The following RYR2 variants were observed in gnomAD, a reference collection of about 807,000 sequenced individuals.
RYR2 encodes the protein cardiac muscle ryanodine receptor-calcium release channel.
In RYR2, 227 loss-of-function variants were observed where a neutral mutation model predicts 601.1. The observed-to-expected ratio is 0.38, with a 90% CI of 0.34 to 0.42. RYR2 has a LOEUF of 0.42. RYR2 is among the 10% of genes least tolerant of loss of function. RYR2 has a pLI of 1.00. For synonymous variants in RYR2, 2,223 were observed against 2,175.1 expected, an observed-to-expected ratio of 1.02 and a Z score of -0.61; for missense variants, 4,646 against 6,156.5, an observed-to-expected ratio of 0.75 and a Z score of 8.21.
chr1:237,288,013 G>A (rs944532978), intron 2 of RYR2, among the ~76,000 whole-genome samples: 10 of 152,200 alleles, frequency 6.6e-5, no homozygotes, highest in African/African-American at 1.9e-4. Context: ...TTCCCTTGAT[G>A]TAGTACTTTC....
At chr1:237,150,728 G>A (rs994065073) in intron 1 of RYR2, among the ~76,000 whole-genome samples, 5 of 152,148 alleles carry the variant, frequency 3.3e-5, no homozygotes, top group African/African-American at 4.8e-5. Flanking sequence ...TGACAATGCC[G>A]AGATGAAGCT....
intron 23 of RYR2, among the ~76,000 whole-genome samples, 178 bp downstream of exon 23, chr1:237,506,992 C>T (rs1198912567): frequency 2.6e-5 from 4 of 152,158 alleles, no homozygotes; most frequent in African/African-American, 9.7e-5. Context: ...GTTAATGGGG[C>T]TGACAGGCAT....
intron 1 of RYR2, among the ~76,000 whole-genome samples, chr1:237,232,757 A>G (rs963096219): frequency 3.3e-5 from 5 of 152,150 alleles, no homozygotes; most frequent in Non-Finnish European, 7.3e-5. Flanking sequence ...GGTAAATAGC[A>G]TTAGAATTGA....
chr1:237,696,528 C>G (rs1319527030), intron 63 of RYR2, among the ~76,000 whole-genome samples: 1 of 140,966 alleles, frequency 7.1e-6, no homozygotes, highest in Non-Finnish European at 1.5e-5. Flanking sequence ...GATCTCTTCC[C>G]TGCACTGCAG....
At chr1:237,347,682 C>A (rs1161526398) in intron 3 of RYR2, among the ~76,000 whole-genome samples, 1 of 151,934 alleles carries the variant, frequency 6.6e-6, no homozygotes, top group East Asian at 1.9e-4. Context: ...TTTAATAGTT[C>A]CATTTCTACC....
In RYR2 at chr1:237,437,161, C is replaced by T. The variant is rs532346785; in HGVS notation, c.1006-4158C>T. The stretch of plus-strand genomic sequence containing the variant: ...CTGGGTTCACGCCATTCTCCTGCCT[C>T]AGCCTCCCAAGTAGCTGGGACTACA... On this transcript the variant is annotated intron_variant, in intron 12 of 104. Coordinates refer to ENST00000366574, the MANE Select transcript of RYR2 (RefSeq NM_001035.3). 3.5e-3 allele frequency among the ~76,000 whole-genome samples: 525 copies of T among 152,068 alleles called. 5 individuals are homozygous for T. The highest frequency in any genetic ancestry group is 0.012 in the African/African-American group (503 of 41,460).
chr1:237,665,941 C>T (rs183672493), intron 56 of RYR2, among the ~76,000 whole-genome samples: 7 of 152,208 alleles, frequency 4.6e-5, no homozygotes, highest in Non-Finnish European at 7.4e-5. Flanking sequence ...GGTAAGTGCC[C>T]AGGATGGTTA....
At chr1:237,652,548 G>A (rs1682868108) in intron 51 of RYR2, among the ~76,000 whole-genome samples, 1 of 152,130 alleles carries the variant, frequency 6.6e-6, no homozygotes, top group African/African-American at 2.4e-5. Flanking sequence ...GTTACAGTAA[G>A]CATCCCTGGA....
At chr1:237,416,929 C>T (rs1030778715) in intron 10 of RYR2, 120 bp from the exon 11 acceptor site, 62 of 795,888 alleles carry the variant, frequency 7.8e-5, no homozygotes, top group South Asian at 7.3e-4. Flanking sequence ...AAAAGTATAA[C>T]TTTAACTGTT....
intron 5 of RYR2, among the ~76,000 whole-genome samples, chr1:237,365,913 T>C (rs1030128916): frequency 6.6e-6 from 1 of 152,246 alleles, no homozygotes; most frequent in Non-Finnish European, 1.5e-5. Context: ...AATAATTTAA[T>C]TAGGCCCCCA....
At chr1:237,157,105 G>A (rs1312901374) in intron 1 of RYR2, among the ~76,000 whole-genome samples, 1 of 151,952 alleles carries the variant, frequency 6.6e-6, no homozygotes, top group Non-Finnish European at 1.5e-5. Flanking sequence ...AGACCAGCCT[G>A]GCCAGCATGG....
intron 1 of RYR2, among the ~76,000 whole-genome samples, chr1:237,208,962 A>ATATATATATATATGTG (rs1558427940): frequency 3.8e-5 from 4 of 103,924 alleles, no homozygotes; most frequent in African/African-American, 9.7e-5. Flanking sequence ...ATATATATAT[A>ATATATATATATATGTG]TATATATATA....
At chr1:237,217,625 A>T (rs1009709300) in intron 1 of RYR2, among the ~76,000 whole-genome samples, 7 of 152,212 alleles carry the variant, frequency 4.6e-5, no homozygotes, top group African/African-American at 1.7e-4. Context: ...GTAAGAACTC[A>T]GTACATGTCA....
intron 4 of RYR2, among the ~76,000 whole-genome samples, chr1:237,363,528 A>G (rs1252621642): frequency 6.6e-6 from 1 of 152,086 alleles, no homozygotes; most frequent in Non-Finnish European, 1.5e-5. Flanking sequence ...TCTCTATGGT[A>G]TCTTTTCTCC....
At chr1:237,158,547 C>T (rs569744365) in intron 1 of RYR2, among the ~76,000 whole-genome samples, 2 of 152,200 alleles carry the variant, frequency 1.3e-5, no homozygotes, top group Admixed American at 1.3e-4. Flanking sequence ...CCCTTATTTT[C>T]CTTTTTCTCT....
chr1:237,648,468 T>A lies in RYR2; in HGVS notation c.7367T>A (p.Met2456Lys), dbSNP rs1477545005. The change falls in exon 49 of 105, where the codon ATG becomes AAG. Residue 2456 changes from methionine to lysine, a missense_variant. By Grantham distance (95) the Met-to-Lys change is moderately conservative. Around this residue, in one of 17 missense-constraint regions of RYR2, gnomAD observed 1,497 missense variants for 1,842.6 expected, o/e 0.81. Transcript: ENST00000366574. ...AKDGNVVEPD[M>K]SAGFCPDHKA... is the part of the protein sequence containing the mutation. ...GATGGGAATGTGGTGGAACCTGACA[T>A]GTCTGCGGGGTTTTGCCCAGATCAC... is the stretch of plus-strand genomic sequence containing the variant. The A allele has an allele frequency of 1.2e-5, 19 of 1,609,562 alleles. No homozygotes were observed. The highest frequency in any genetic ancestry group is 1.5e-5 in the Non-Finnish European group (18 of 1,177,866).
At chr1:237,157,295 CAAAAAAAAAAAAAA>C (rs33922740) in intron 1 of RYR2, among the ~76,000 whole-genome samples, 1 of 63,510 alleles carries the variant, frequency 1.6e-5, no homozygotes, top group South Asian at 8.4e-4. Flanking sequence ...GACTCCATCT[CAAAAAAAAAAAAAA>C]AAAAAAAAAA....
chr1:237,084,424 T>A (rs1666079980), intron 1 of RYR2, among the ~76,000 whole-genome samples: 1 of 152,190 alleles, frequency 6.6e-6, no homozygotes, highest in African/African-American at 2.4e-5. Context: ...TGAATGGCAC[T>A]TGTAAGAAAG....
intron 1 of RYR2, among the ~76,000 whole-genome samples, chr1:237,042,968 G>A (rs930946374): frequency 4.9e-4 from 74 of 152,116 alleles, no homozygotes; most frequent in African/African-American, 1.7e-3. Flanking sequence ...AGGGTGGCCC[G>A]TGGGGGCGCG....
Sources: allele counts gnomAD v4.1 joint callset (sites outside exome capture counted in the v4.1 genomes callset), GRCh38; gene constraint gnomAD v4.1.1; regional missense constraint gnomAD v4.1.1; transcripts MANE v1.5; gene names NCBI Gene and HGNC (gene_info 2026-07-23, HGNC 2026-07-21).